DPP10: variants seen among roughly 807,000 people sequenced by gnomAD.
DPP10 encodes dipeptidyl peptidase like 10, also known as inactive dipeptidyl peptidase 10.
Under a neutral mutation model 120.9 loss-of-function variants are expected in DPP10, and 33 were observed. The ratio of observed to expected loss-of-function variants is 0.27; its 90% confidence interval spans 0.21 to 0.37. The LOEUF is 0.37. Ranked by LOEUF, DPP10 falls within the 10% of genes least tolerant of loss-of-function variation. DPP10 has a pLI of 1.00. For missense variants in DPP10, 816 were observed against 942.8 expected, an observed-to-expected ratio of 0.87 and a Z score of 1.76; for synonymous variants, 337 against 326.1, an observed-to-expected ratio of 1.03 and a Z score of -0.36.
intron 1 of DPP10, among the ~76,000 whole-genome samples, chr2:114,973,889 A>G (rs1277847185): frequency 5.9e-5 from 9 of 152,024 alleles, no homozygotes. Flanking sequence ...AATTTTTAAC[A>G]AAAGCTTTAA....
chr2:114,773,677 T>C (rs1049504040), intron 1 of DPP10, among the ~76,000 whole-genome samples: 9 of 152,152 alleles, frequency 5.9e-5, no homozygotes, highest in Admixed American at 3.3e-4. Context: ...TTCTAAGGCT[T>C]TTGCATTTCC....
intron 3 of DPP10, among the ~76,000 whole-genome samples, chr2:115,434,863 C>T (rs2071342711): frequency 6.6e-6 from 1 of 151,724 alleles, no homozygotes; most frequent in South Asian, 2.1e-4. Flanking sequence ...CTGATAACCA[C>T]CATTCTACCC....
chr2:115,606,075 A>G (rs1420375242), intron 5 of DPP10, among the ~76,000 whole-genome samples: 1 of 152,174 alleles, frequency 6.6e-6, no homozygotes, highest in Non-Finnish European at 1.5e-5. Context: ...AAAATGTGCT[A>G]ATTTCTAATG....
intron 1 of DPP10, among the ~76,000 whole-genome samples, chr2:115,167,949 T>C (rs768839453): frequency 2.0e-5 from 3 of 152,184 alleles, no homozygotes; most frequent in Admixed American, 6.5e-5. Context: ...TTGTTTTCAA[T>C]GCAATGTACT....
intron 1 of DPP10, among the ~76,000 whole-genome samples, chr2:114,866,387 TAC>T (rs1375364447): frequency 2.0e-5 from 3 of 152,132 alleles, no homozygotes; most frequent in African/African-American, 4.8e-5. Context: ...TCTTCTAATA[TAC>T]TCTCTGAAAA....
intron 1 of DPP10, among the ~76,000 whole-genome samples, chr2:115,133,623 G>A (rs1159166441): frequency 6.6e-6 from 1 of 152,126 alleles, no homozygotes; most frequent in Non-Finnish European, 1.5e-5. Context: ...GCTCTGAGAA[G>A]ATGAGTGAGC....
intron 3 of DPP10, among the ~76,000 whole-genome samples, chr2:115,391,315 A>G (rs1180733423): frequency 6.6e-6 from 1 of 152,158 alleles, no homozygotes; most frequent in Non-Finnish European, 1.5e-5. Flanking sequence ...ACTACTGGAC[A>G]CTGATTGTGT....
intron 1 of DPP10, among the ~76,000 whole-genome samples, chr2:114,473,257 A>G (rs1347962832): frequency 6.6e-6 from 1 of 152,252 alleles, no homozygotes; most frequent in Non-Finnish European, 1.5e-5. Context: ...TATGAGGTGT[A>G]TGGTAGCCAT....
chr2:115,448,778 G>T (rs2072849648), intron 3 of DPP10, among the ~76,000 whole-genome samples: 1 of 151,834 alleles, frequency 6.6e-6, no homozygotes, highest in South Asian at 2.1e-4. Flanking sequence ...TTTCATTCAG[G>T]GCTCTGCTGA....
At chr2:114,918,348 G>A (rs1694953477) in intron 1 of DPP10, among the ~76,000 whole-genome samples, 1 of 152,094 alleles carries the variant, frequency 6.6e-6, no homozygotes, top group East Asian at 1.9e-4. Context: ...CATTGCTGGT[G>A]GGGATATAAG....
intron 3 of DPP10, among the ~76,000 whole-genome samples, chr2:115,479,223 C>T (rs1338779685): frequency 6.6e-6 from 1 of 151,994 alleles, no homozygotes; most frequent in African/African-American, 2.4e-5. Flanking sequence ...GTTATTCATC[C>T]TTAGAAAGGA....
chr2:115,479,824 G>A (rs891435251), intron 3 of DPP10, among the ~76,000 whole-genome samples: 1 of 152,038 alleles, frequency 6.6e-6, no homozygotes, highest in Non-Finnish European at 1.5e-5. Flanking sequence ...TCCACTTTTA[G>A]CCATATGCTG....
chr2:114,500,805 G>A (rs1252352319), intron 1 of DPP10, among the ~76,000 whole-genome samples: 1 of 152,208 alleles, frequency 6.6e-6, no homozygotes, highest in African/African-American at 2.4e-5. Context: ...TGAGAGAAAG[G>A]AGCCCAACAC....
chr2:114,459,113 A>T (rs949993952), intron 1 of DPP10, among the ~76,000 whole-genome samples: 3 of 152,204 alleles, frequency 2.0e-5, no homozygotes, highest in Non-Finnish European at 4.4e-5. Context: ...TAAGGAATGT[A>T]TAACACAAAA....
chr2:115,093,204 G>C (rs1709424840), intron 1 of DPP10, among the ~76,000 whole-genome samples: 1 of 152,102 alleles, frequency 6.6e-6, no homozygotes, highest in African/African-American at 2.4e-5. Context: ...GAGGAATAAA[G>C]TTATACATAT....
intron 3 of DPP10, among the ~76,000 whole-genome samples, chr2:115,411,797 A>G (rs2068975930): frequency 6.6e-6 from 1 of 152,344 alleles, no homozygotes; most frequent in South Asian, 2.1e-4. Context: ...CTGCGATTAT[A>G]AAGTCATGTT....
At chr2:114,995,643 T>A (rs968909904) in intron 1 of DPP10, among the ~76,000 whole-genome samples, 1 of 152,184 alleles carries the variant, frequency 6.6e-6, no homozygotes, top group Non-Finnish European at 1.5e-5. Flanking sequence ...TCATGTAATT[T>A]TCTGCACTTT....
chr2:114,494,489 G>A (rs914986305), intron 1 of DPP10, among the ~76,000 whole-genome samples: 1 of 152,170 alleles, frequency 6.6e-6, no homozygotes, highest in Non-Finnish European at 1.5e-5. Flanking sequence ...GCAAGCATGA[G>A]TTTGACAGTT....
chr2:115,118,825 G>A (rs1559116515), intron 1 of DPP10, among the ~76,000 whole-genome samples: 1 of 151,744 alleles, frequency 6.6e-6, no homozygotes, highest in Middle Eastern at 3.4e-3. Context: ...ATGTTGGCCA[G>A]GCTGGTCACA....
Sources: gnomAD v4.1 joint callset for allele counts (sites outside exome capture counted in the v4.1 genomes callset) on GRCh38, gnomAD v4.1.1 for gene constraint, MANE v1.5 for transcripts, NCBI Gene and HGNC (gene_info 2026-07-23, HGNC 2026-07-21) for gene names.